Variants in PDZD2 observed in about 807,000 individuals in gnomAD.
The protein encoded by PDZD2 is PDZ domain-containing protein 2.
In PDZD2, 90 loss-of-function variants were observed where a neutral mutation model predicts 220.7. The ratio of observed to expected loss-of-function variants is 0.41; its 90% confidence interval spans 0.34 to 0.49. The LOEUF (loss-of-function observed/expected upper bound fraction) is 0.49, where lower values mean the gene tolerates loss of function less well. Among genes scored for constraint, PDZD2 ranks in the 20% least tolerant of loss-of-function variants. PDZD2 has a pLI of 0.28. For missense variants in PDZD2, 3,174 were observed against 3,608.5 expected (o/e 0.88, Z 3.08); for synonymous variants, 1,375 against 1,450.5 (o/e 0.95, Z 1.18).
At chr5:31,987,842 C>T (rs1465628651) in intron 3 of PDZD2, among the ~76,000 whole-genome samples, 2 of 152,152 alleles carry the variant, frequency 1.3e-5, no homozygotes, top group East Asian at 1.9e-4. Context: ...ACCCTCCGTC[C>T]TAGGGAGAGT....
At chr5:32,039,436 G>C (rs1755843952) in intron 7 of PDZD2, among the ~76,000 whole-genome samples, 1 of 149,884 alleles carries the variant, frequency 6.7e-6, no homozygotes, top group South Asian at 2.1e-4. Context: ...GAATGCAGTG[G>C]CGTAATCTCA....
At chr5:31,894,044 G>A (rs1400352242) in intron 2 of PDZD2, among the ~76,000 whole-genome samples, 9 of 143,380 alleles carry the variant, frequency 6.3e-5, no homozygotes, top group African/African-American at 2.1e-4. Context: ...ACAGGCATGC[G>A]CCACCACGCC....
chr5:31,911,478 C>G (rs1402937501), intron 2 of PDZD2, among the ~76,000 whole-genome samples: 1 of 152,256 alleles, frequency 6.6e-6, no homozygotes, highest in Non-Finnish European at 1.5e-5. Context: ...AAGCCCCTGA[C>G]TTGGAGCACG....
At chr5:31,756,231 A>T (rs1751300826) in intron 1 of PDZD2, among the ~76,000 whole-genome samples, 1 of 152,120 alleles carries the variant, frequency 6.6e-6, no homozygotes, top group South Asian at 2.1e-4. Context: ...AACATAAGAG[A>T]TGCTTGAGAT....
chr5:31,792,224 C>G (rs1753769335), intron 1 of PDZD2, among the ~76,000 whole-genome samples: 1 of 152,180 alleles, frequency 6.6e-6, no homozygotes, highest in South Asian at 2.1e-4. Context: ...CAGGGACCAC[C>G]AGGCTGGGTG....
chr5:31,658,613 G>A (rs1405480803), intron 1 of PDZD2, among the ~76,000 whole-genome samples: 1 of 151,238 alleles, frequency 6.6e-6, no homozygotes, highest in Non-Finnish European at 1.5e-5. Context: ...GTCTATGTGG[G>A]CTGTTTTCAC....
chr5:31,643,290 T>G (rs1161565253), intron 1 of PDZD2, among the ~76,000 whole-genome samples: 1 of 152,252 alleles, frequency 6.6e-6, no homozygotes, highest in South Asian at 2.1e-4. Context: ...AGTTTTGGAC[T>G]ACTCTGAGCA....
chr5:31,969,968 G>A (rs756120676), intron 2 of PDZD2, among the ~76,000 whole-genome samples: 4 of 151,386 alleles, frequency 2.6e-5, no homozygotes, highest in Admixed American at 1.3e-4. Flanking sequence ...GTGTGATCTC[G>A]GCTCACCGCA....
chr5:31,951,350 G>A (rs944829300), intron 2 of PDZD2, among the ~76,000 whole-genome samples: 4 of 152,170 alleles, frequency 2.6e-5, no homozygotes, highest in African/African-American at 9.7e-5. Flanking sequence ...CTACAGGGTT[G>A]AGCCACTGCA....
intron 3 of PDZD2, among the ~76,000 whole-genome samples, chr5:31,986,301 G>C (rs1041352155): frequency 6.6e-6 from 1 of 152,074 alleles, no homozygotes; most frequent in African/African-American, 2.4e-5. Context: ...TGCATTCTTT[G>C]TAACTGTTTA....
At chr5:31,680,004 C>G (rs1035848405) in intron 1 of PDZD2, among the ~76,000 whole-genome samples, 2 of 152,168 alleles carry the variant, frequency 1.3e-5, no homozygotes, top group African/African-American at 2.4e-5. Context: ...TGTTTAGCTC[C>G]AAAAGGTTTA....
chr5:31,849,717 G>A (rs758032614), intron 2 of PDZD2, among the ~76,000 whole-genome samples: 2 of 151,136 alleles, frequency 1.3e-5, no homozygotes, highest in African/African-American at 2.4e-5. Context: ...GGTGGCGTGC[G>A]CCTGTAATCC....
chr5:31,835,713 T>C (rs1756908589), intron 2 of PDZD2, among the ~76,000 whole-genome samples: 1 of 152,186 alleles, frequency 6.6e-6, no homozygotes, highest in Non-Finnish European at 1.5e-5. Flanking sequence ...GAACTCATCT[T>C]CTCAGTCTTG....
chr5:32,038,606 A>G (rs192072779), intron 7 of PDZD2, among the ~76,000 whole-genome samples: 3 of 151,454 alleles, frequency 2.0e-5, no homozygotes, highest in Admixed American at 2.0e-4. Flanking sequence ...TATTACGTTT[A>G]TTTTTTTTTC....
rs747724510 is a variant in PDZD2 at position 32,074,249 on chromosome 5, G to A, written c.3143G>A (p.Gly1048Asp). The A allele has an allele frequency of 1.2e-6, 2 of 1,614,102 alleles. No homozygotes were observed. Among genetic ancestry groups the A allele is most frequent in the Non-Finnish European group, 1.7e-6 (2 of 1,180,048 alleles). Reference sequence around the variant, plus strand: ...GACTTAGAGGAGAGTATCCCAGAGGGCATGGTGGATGCTGCGTCCTATGCA... The same window carrying A: ...GACTTAGAGGAGAGTATCCCAGAGGACATGGTGGATGCTGCGTCCTATGCA... ...SVDLEESIPE[G>D]MVDAASYAAN... The change falls in exon 18 of 25, where the codon GGC becomes GAC. Residue 1048 changes from glycine (G) to aspartate (D), a missense_variant. Physicochemically the swap from Gly to Asp is moderately conservative, Grantham distance 94. Coordinates refer to ENST00000438447, the MANE Select transcript of PDZD2 (RefSeq NM_178140.4).
At chr5:31,992,559 T>A (rs1253684511) in intron 3 of PDZD2, among the ~76,000 whole-genome samples, 1 of 152,196 alleles carries the variant, frequency 6.6e-6, no homozygotes. Context: ...CCTAGTATTG[T>A]CACATCCTTT....
chr5:31,675,460 T>G (rs1264477346), intron 1 of PDZD2, among the ~76,000 whole-genome samples: 4 of 152,306 alleles, frequency 2.6e-5, no homozygotes, highest in East Asian at 3.9e-4. Flanking sequence ...CTGCGTTGGC[T>G]GCCAATCCTA....
At chr5:31,872,246 T>C (rs1414037529) in intron 2 of PDZD2, among the ~76,000 whole-genome samples, 1 of 151,846 alleles carries the variant, frequency 6.6e-6, no homozygotes, top group Non-Finnish European at 1.5e-5. Flanking sequence ...TAGGGCAGTC[T>C]AGAGAGTGCT....
At chr5:31,690,452 G>A (rs6874845) in intron 1 of PDZD2, among the ~76,000 whole-genome samples, 65,680 of 151,866 alleles carry the variant, frequency 0.43, 14,415 homozygotes, top group East Asian at 0.52. Context: ...TAAACTGGGC[G>A]ACTTCAACCA....
Sources: allele counts gnomAD v4.1 joint callset (sites outside exome capture counted in the v4.1 genomes callset), GRCh38; gene constraint gnomAD v4.1.1; transcripts MANE v1.5; gene names NCBI Gene and HGNC (gene_info 2026-07-23, HGNC 2026-07-21).